The following TNNI3K variants were observed in gnomAD, a reference collection of about 807,000 sequenced individuals.
The protein encoded by TNNI3K is serine/threonine-protein kinase TNNI3K.
A neutral mutation model predicts 114.5 loss-of-function variants in TNNI3K; 140 were observed. The ratio of observed to expected loss-of-function variants is 1.22; its 90% CI spans 1.07 to 1.41. The LOEUF is 1.41. Among genes scored for constraint, TNNI3K ranks in the 40% most tolerant of loss-of-function variants. The probability of loss-of-function intolerance (pLI) is 0.00; values close to 1 mark genes in which losing one functional copy is unlikely to be tolerated. For synonymous variants in TNNI3K, 347 were observed against 347.5 expected (o/e 1.00, Z 0.02); for missense variants, 1,125 against 1,007.6 (o/e 1.12, Z -1.58).
At chr1:74,442,682 A>G (rs934561799) in intron 20 of TNNI3K, among the ~76,000 whole-genome samples, 2 of 152,176 alleles carry the variant, frequency 1.3e-5, no homozygotes, top group South Asian at 2.1e-4. Context: ...GCATATTTTT[A>G]TTATACTTAT....
chr1:74,445,824 A>C (rs1004671751), intron 20 of TNNI3K, among the ~76,000 whole-genome samples: 7 of 151,804 alleles, frequency 4.6e-5, no homozygotes, highest in African/African-American at 1.5e-4. Context: ...TTTAGCCAGG[A>C]TGGTCTCGAT....
At chr1:74,459,996 A>G (rs551540157) in intron 20 of TNNI3K, among the ~76,000 whole-genome samples, 12 of 152,220 alleles carry the variant, frequency 7.9e-5, no homozygotes, top group Non-Finnish European at 1.8e-4. Flanking sequence ...AAATTAAACA[A>G]ATTAAAAACT....
chr1:74,332,493 G>A (rs900044832), intron 6 of TNNI3K, among the ~76,000 whole-genome samples: 10 of 151,824 alleles, frequency 6.6e-5, no homozygotes, highest in Non-Finnish European at 2.9e-5. Context: ...GTAGAGACGG[G>A]GTTTCACCAT....
intron 21 of TNNI3K, chr1:74,472,098 T>A (rs888513371): frequency 1.4e-6 from 1 of 717,270 alleles, no homozygotes. Context: ...CTTTTTCTAT[T>A]GGAGGCTGCC....
At chr1:74,374,162 T>A (rs1662756308) in intron 17 of TNNI3K, 1 of 151,966 alleles carries the variant, frequency 6.6e-6, no homozygotes, top group African/African-American at 2.4e-5. Flanking sequence ...TTTAAAAAAA[T>A]TTTTTGATCC....
intron 9 of TNNI3K, among the ~76,000 whole-genome samples, chr1:74,350,052 A>C (rs1290341518): frequency 2.0e-5 from 3 of 151,908 alleles, no homozygotes; most frequent in Non-Finnish European, 4.4e-5. Context: ...TAGTTCTTTT[A>C]ATTGTGATGT....
At chr1:74,297,518 T>TGC (rs1658062751) in intron 5 of TNNI3K, among the ~76,000 whole-genome samples, 1 of 119,684 alleles carries the variant, frequency 8.4e-6, no homozygotes, top group Non-Finnish European at 1.6e-5. Flanking sequence ...CCAGTGTGTG[T>TGC]GTGCGTGTGT....
At chr1:74,374,187 C>T (rs553253386) in intron 17 of TNNI3K, 1 of 151,778 alleles carries the variant, frequency 6.6e-6, no homozygotes, top group Non-Finnish European at 1.5e-5. Flanking sequence ...TTAGTTGAAT[C>T]CACAGAAGTG....
rs181621811 is a variant in TNNI3K, at chr1:74,538,017, A to G, written c.2352-2217A>G. Among the ~76,000 whole-genome samples, 49 of 152,298 alleles carry G rather than the reference A, an allele frequency of 3.2e-4. No homozygotes were observed. The East Asian group carries it at 8.3e-3, about 26-fold the overall frequency. On this transcript the variant is annotated intron_variant, in intron 23 of 24. Coordinates refer to ENST00000326637, the MANE Select transcript of TNNI3K (RefSeq NM_015978.3). The stretch of plus-strand genomic sequence containing the variant: ...AAATAACTTGCCAAGATAGTAAGTG[A>G]TGGTGTCAGGATTCAAATTCAAGGA...
rs12144080 is a variant in TNNI3K at position 74,536,264 on chromosome 1, A to G, written c.2352-3970A>G. ...ACCTAGGGTGCATTAATTCATTCAC[A>G]GACAATGTGACCATTTGCAAACAGG... On this transcript the variant is annotated intron_variant, in intron 23 of 24. Coordinates refer to ENST00000326637, the MANE Select transcript of TNNI3K (RefSeq NM_015978.3). 4.7e-3 allele frequency among the ~76,000 whole-genome samples: 715 copies of G among 152,254 alleles called. 7 individuals carry two copies. Among genetic ancestry groups the G allele is most frequent in the South Asian group, 0.023 (110 of 4,828 alleles).
chr1:74,271,549 G>T (rs1656346960), intron 4 of TNNI3K, 49 bp from the exon 5 acceptor site: 2 of 1,520,086 alleles, frequency 1.3e-6, no homozygotes, highest in South Asian at 1.3e-5. Context: ...CACAGCTTTT[G>T]AACCTGTTAT....
intron 23 of TNNI3K, among the ~76,000 whole-genome samples, chr1:74,527,170 C>T (rs950736362): frequency 9.9e-5 from 15 of 152,148 alleles, no homozygotes; most frequent in African/African-American, 3.6e-4. Context: ...GTTTTACTAG[C>T]CCGTGCCAGG....
intron 23 of TNNI3K, among the ~76,000 whole-genome samples, chr1:74,504,505 C>A (rs746120149): frequency 1.3e-5 from 2 of 152,056 alleles, no homozygotes; most frequent in Non-Finnish European, 2.9e-5. Context: ...TTTGAAACAG[C>A]CTTTCGCCAT....
intron 23 of TNNI3K, among the ~76,000 whole-genome samples, chr1:74,530,947 G>A (rs936768615): frequency 4.6e-5 from 7 of 152,060 alleles, no homozygotes; most frequent in Non-Finnish European, 8.8e-5. Flanking sequence ...GAGCCATCAA[G>A]GAATTAATAC....
intron 11 of TNNI3K, among the ~76,000 whole-genome samples, chr1:74,358,074 C>A (rs1281438991): frequency 1.3e-5 from 2 of 152,166 alleles, no homozygotes; most frequent in African/African-American, 4.8e-5. Flanking sequence ...AATAGTGTGT[C>A]TGGCAGTTAG....
rs10633137 is a variant in TNNI3K, at chr1:74,297,522, CGTGTGTGTGTGTGTGTGT to C, written c.444+25829_444+25846del. ...TGGCATCTTGTCCAGTGTGTGTGTG[CGTGTGTGTGTGTGTGTGT>C]GTGTGTGTGTGTGTATAAATATAAT... On this transcript the variant is annotated intron_variant, in intron 5 of 24. Transcript: ENST00000326637. Among the ~76,000 whole-genome samples, 599 of 145,460 alleles carry C rather than the reference CGTGTGTGTGTGTGTGTGT, an allele frequency of 4.1e-3. 5 individuals are homozygous for C. The highest frequency in any genetic ancestry group is 4.7e-3 in the Non-Finnish European group (311 of 66,118).
At chr1:74,294,162 A>G (rs1657844096) in intron 5 of TNNI3K, among the ~76,000 whole-genome samples, 1 of 151,798 alleles carries the variant, frequency 6.6e-6, no homozygotes, top group African/African-American at 2.4e-5. Flanking sequence ...TAGATTCTTG[A>G]TATTTTCTTT....
At chr1:74,426,168 G>C (rs1359319259) in intron 17 of TNNI3K, among the ~76,000 whole-genome samples, 1 of 152,106 alleles carries the variant, frequency 6.6e-6, no homozygotes, top group African/African-American at 2.4e-5. Context: ...AAAAGCTATA[G>C]TTTCAGATTA....
intron 24 of TNNI3K, among the ~76,000 whole-genome samples, chr1:74,542,749 C>T (rs1010358370): frequency 1.3e-5 from 2 of 152,236 alleles, no homozygotes; most frequent in African/African-American, 2.4e-5. Context: ...GGAGCAAAAG[C>T]AGCAATAGCT....
Sources: gnomAD v4.1 joint callset for allele counts (sites outside exome capture counted in the v4.1 genomes callset) on GRCh38, gnomAD v4.1.1 for gene constraint, MANE v1.5 for transcripts, NCBI Gene and HGNC (gene_info 2026-07-23, HGNC 2026-07-21) for gene names.